OPCML: variants seen among roughly 807,000 people sequenced by gnomAD.
OPCML encodes opioid-binding protein/cell adhesion molecule.
Under a neutral mutation model 37.8 loss-of-function variants are expected in OPCML, and 13 were observed. The observed-to-expected ratio is 0.34, with a 90% CI of 0.22 to 0.55. OPCML has a LOEUF of 0.55. Ranked by LOEUF, OPCML falls within the 20% of genes least tolerant of loss-of-function variation. The pLI is 0.91. For synonymous variants in OPCML, 176 were observed against 168.8 expected, an observed-to-expected ratio of 1.04 and a Z score of -0.33; for missense variants, 341 against 435.6, an observed-to-expected ratio of 0.78 and a Z score of 1.93.
chr11:133,427,947 C>A (rs1946036527), intron 1 of OPCML, among the ~76,000 whole-genome samples: 2 of 152,160 alleles, frequency 1.3e-5, no homozygotes, highest in Admixed American at 1.3e-4. Flanking sequence ...TGGAACAAGA[C>A]AAATTGCTTC....
chr11:132,890,980 T>C (rs1943624983), intron 2 of OPCML, among the ~76,000 whole-genome samples: 1 of 152,120 alleles, frequency 6.6e-6, no homozygotes, highest in Non-Finnish European at 1.5e-5. Flanking sequence ...CTCCCCTCTC[T>C]ATTATGAAGT....
chr11:132,527,710 T>A lies in OPCML; in HGVS notation c.505+1351A>T, dbSNP rs570329133. The stretch of plus-strand genomic sequence containing the variant: ...TTGATGAAGGCTATGACGAGTTAAG[T>A]TACAAGCCTATAAAAATGATACCTT... On this transcript the variant is annotated intron_variant, in intron 4 of 7. Coordinates refer to ENST00000524381, the MANE Select transcript of OPCML (RefSeq NM_001012393.5). 3.2e-4 allele frequency among the ~76,000 whole-genome samples: 48 copies of A among 152,304 alleles called. 1 individual carries two copies. The South Asian group carries it at 5.0e-3, about 16-fold the overall frequency.
intron 1 of OPCML, among the ~76,000 whole-genome samples, chr11:133,474,898 C>T (rs1163097900): frequency 6.6e-6 from 1 of 152,182 alleles, no homozygotes; most frequent in East Asian, 1.9e-4. Context: ...ATGTCAAAGA[C>T]AGAGGATCCT....
intron 1 of OPCML, among the ~76,000 whole-genome samples, chr11:133,281,150 C>A (rs1942142603): frequency 6.6e-6 from 1 of 152,160 alleles, no homozygotes; most frequent in South Asian, 2.1e-4. Flanking sequence ...GGAAGCCCTG[C>A]TTAAAGAGAC....
At chr11:133,143,913 G>A (rs908476008) in intron 1 of OPCML, among the ~76,000 whole-genome samples, 5 of 152,230 alleles carry the variant, frequency 3.3e-5, no homozygotes, top group African/African-American at 9.6e-5. Context: ...AGGTAAGAGA[G>A]ATGGAAGGTG....
At chr11:133,326,832 G>C (rs1031172539) in intron 1 of OPCML, among the ~76,000 whole-genome samples, 2 of 145,300 alleles carry the variant, frequency 1.4e-5, no homozygotes, top group Non-Finnish European at 3.0e-5. Context: ...GGGGTTGTGG[G>C]TGTATGATTG....
rs535885921 is a variant in OPCML, at chr11:132,546,692, C to T, written c.380-17506G>A. Among the ~76,000 whole-genome samples the T allele has an allele frequency of 9.2e-5, 14 of 152,254 alleles. 1 individual carries two copies. The South Asian group carries it at 2.7e-3, about 29-fold the overall frequency. On this transcript the variant is annotated intron_variant, in intron 3 of 7. Coordinates refer to ENST00000524381, the MANE Select transcript of OPCML (RefSeq NM_001012393.5). ...ACCTTGGAGAGTTTCTTAAGCTATT[C>T]GTACTTCACCTTTTTGCATCTATAA...
chr11:132,600,595 T>C (rs1319122606), intron 3 of OPCML, among the ~76,000 whole-genome samples: 1 of 152,230 alleles, frequency 6.6e-6, no homozygotes, highest in Non-Finnish European at 1.5e-5. Flanking sequence ...GACTGACTAG[T>C]CTGCAACCCT....
At chr11:133,028,775 A>G (rs1487224311) in intron 1 of OPCML, among the ~76,000 whole-genome samples, 3 of 152,138 alleles carry the variant, frequency 2.0e-5, no homozygotes, top group Admixed American at 6.5e-5. Flanking sequence ...AACCTAGGAA[A>G]TACTCTTCCA....
rs545866242 is a variant in OPCML at position 133,129,072 on chromosome 11, A to G, written c.62-186062T>C. The stretch of plus-strand genomic sequence containing the variant: ...ACAACTCATTGCCTTAAGAGTTTAC[A>G]CAGGGGAAGGGGAAACAGGTGGGAA... On this transcript the variant is annotated intron_variant, in intron 1 of 7. Transcript: ENST00000524381. Among the ~76,000 whole-genome samples the G allele has an allele frequency of 2.6e-5, 4 of 152,352 alleles. No individual in the cohort carries two copies. In the East Asian group the frequency reaches 7.7e-4, roughly 29 times the overall value.
chr11:132,606,706 A>G (rs1383522209), intron 3 of OPCML, among the ~76,000 whole-genome samples: 2 of 152,110 alleles, frequency 1.3e-5, no homozygotes. Context: ...CCAGGAGCCA[A>G]TTAGGGCATG....
At chr11:133,391,850 T>C (rs1945180861) in intron 1 of OPCML, among the ~76,000 whole-genome samples, 2 of 152,182 alleles carry the variant, frequency 1.3e-5, no homozygotes, top group Non-Finnish European at 2.9e-5. Flanking sequence ...TTTATTTTTC[T>C]CTCATTACCA....
At chr11:132,426,595 G>C (rs1230100053) in intron 7 of OPCML, among the ~76,000 whole-genome samples, 1 of 152,142 alleles carries the variant, frequency 6.6e-6, no homozygotes, top group Non-Finnish European at 1.5e-5. Context: ...ACCATGTCTG[G>C]CTAATTTTTG....
intron 1 of OPCML, among the ~76,000 whole-genome samples, chr11:133,383,928 G>A (rs894513278): frequency 6.6e-6 from 1 of 152,048 alleles, no homozygotes; most frequent in African/African-American, 2.4e-5. Flanking sequence ...TAAGAGAAGG[G>A]TGCAGGCTTG....
intron 1 of OPCML, among the ~76,000 whole-genome samples, chr11:133,490,344 A>G (rs1245431436): frequency 6.6e-6 from 1 of 152,170 alleles, no homozygotes; most frequent in Admixed American, 6.5e-5. Flanking sequence ...TTTCACTGTG[A>G]GTTCTTTGTA....
chr11:132,476,245 C>T (rs530502716), intron 4 of OPCML, among the ~76,000 whole-genome samples: 48 of 152,214 alleles, frequency 3.2e-4, no homozygotes, highest in African/African-American at 1.1e-3. Context: ...GTTGGTGGGA[C>T]TGTAAACTAG....
At chr11:132,573,196 T>G (rs2096442497) in intron 3 of OPCML, among the ~76,000 whole-genome samples, 1 of 151,932 alleles carries the variant, frequency 6.6e-6, no homozygotes, top group Non-Finnish European at 1.5e-5. Flanking sequence ...AGTTATAATT[T>G]TGTCTCTTCC....
chr11:133,269,299 C>T (rs1256952837), intron 1 of OPCML, among the ~76,000 whole-genome samples: 1 of 152,112 alleles, frequency 6.6e-6, no homozygotes, highest in Non-Finnish European at 1.5e-5. Context: ...AACAAACAAA[C>T]AAACAAACTT....
At chr11:132,852,277 A>C (rs1477136944) in intron 2 of OPCML, among the ~76,000 whole-genome samples, 1 of 152,194 alleles carries the variant, frequency 6.6e-6, no homozygotes, top group African/African-American at 2.4e-5. Flanking sequence ...ACTACTGAAA[A>C]AATTTTGTAT....
Sources: gnomAD v4.1 joint callset for allele counts (sites outside exome capture counted in the v4.1 genomes callset) on GRCh38, gnomAD v4.1.1 for gene constraint, MANE v1.5 for transcripts, NCBI Gene and HGNC (gene_info 2026-07-23, HGNC 2026-07-21) for gene names.